HUNK: variants seen among roughly 807,000 people sequenced by gnomAD.
The protein encoded by HUNK is hormonally up-regulated Neu-associated kinase.
HUNK carries 21 observed loss-of-function variants against 61.0 expected under a neutral mutation model. That is an observed-to-expected ratio of 0.34 (90% CI 0.24 to 0.50). HUNK has a LOEUF of 0.50. Among genes scored for constraint, HUNK ranks in the 20% least tolerant of loss-of-function variants. The probability of loss-of-function intolerance (pLI) is 0.98; values close to 1 mark genes in which losing one functional copy is unlikely to be tolerated. For missense variants in HUNK, 772 were observed against 945.7 expected (o/e 0.82, Z 2.41); for synonymous variants, 371 against 386.1 (o/e 0.96, Z 0.46).
At chr21:31,904,722 C>T (rs964612997) in intron 1 of HUNK, among the ~76,000 whole-genome samples, 1 of 152,106 alleles carries the variant, frequency 6.6e-6, no homozygotes, top group Non-Finnish European at 1.5e-5. Flanking sequence ...TGAATTGTGT[C>T]CCACCCCCAA....
chr21:31,999,069 A>C lies in HUNK; in HGVS notation c.2030A>C (p.Gln677Pro), dbSNP rs536402835. ...GIGQMLRKRH[Q>P]SLQPSADRPL... ...GGACAGATGTTAAGGAAGCGCCATC[A>C]GAGTCTGCAGCCATCTGCAGATAGG... The change falls in exon 11 of 11, where the codon CAG becomes CCG. Residue 677 changes from glutamine to proline, a missense_variant. Gln to Pro is a moderately conservative substitution (Grantham distance 76). Transcript: ENST00000270112. 1 of 1,614,218 alleles carries C rather than the reference A, an allele frequency of 6.2e-7. No individual in the cohort carries two copies. The highest frequency in any genetic ancestry group is 1.3e-5 in the African/African-American group (1 of 75,062).
intron 6 of HUNK, among the ~76,000 whole-genome samples, chr21:31,972,703 C>T (rs2053020217): frequency 6.6e-6 from 1 of 152,146 alleles, no homozygotes; most frequent in South Asian, 2.1e-4. Context: ...CTTTTTAAGC[C>T]AGTAATCGTG....
chr21:31,892,884 C>A (rs1707316703), intron 1 of HUNK, among the ~76,000 whole-genome samples: 2 of 152,262 alleles, frequency 1.3e-5, no homozygotes, highest in South Asian at 4.1e-4. Flanking sequence ...GCAGACCTCC[C>A]TTTCTTGGCA....
At chr21:31,944,479 GA>G (rs2052789018) in intron 3 of HUNK, among the ~76,000 whole-genome samples, 1 of 152,120 alleles carries the variant, frequency 6.6e-6, no homozygotes, top group Non-Finnish European at 1.5e-5. Context: ...CTTTTTAACT[GA>G]TATCTCCTCC....
At chr21:31,979,656 C>T (rs1158238711) in intron 7 of HUNK, among the ~76,000 whole-genome samples, 1 of 150,496 alleles carries the variant, frequency 6.6e-6, no homozygotes, top group Admixed American at 6.7e-5. Context: ...GCTGGGACTA[C>T]AGGCACCTGC....
chr21:31,883,454 A>G (rs1200423900), intron 1 of HUNK, among the ~76,000 whole-genome samples: 1 of 151,794 alleles, frequency 6.6e-6, no homozygotes, highest in Non-Finnish European at 1.5e-5. Context: ...CCATTCGCCA[A>G]TTTTCTTTTG....
intron 10 of HUNK, among the ~76,000 whole-genome samples, 169 bp downstream of exon 10, chr21:31,996,117 G>A (rs535722479): frequency 1.1e-4 from 17 of 152,374 alleles, no homozygotes; most frequent in African/African-American, 4.1e-4. Flanking sequence ...CCAGGACCAA[G>A]CTGTGTGGCA....
At chr21:31,886,885 C>T (rs1430889539) in intron 1 of HUNK, among the ~76,000 whole-genome samples, 1 of 152,180 alleles carries the variant, frequency 6.6e-6, no homozygotes, top group African/African-American at 2.4e-5. Flanking sequence ...AGGTGATCCA[C>T]CTGCCTTGGC....
chr21:31,930,200 G>A (rs1340567619), intron 2 of HUNK, among the ~76,000 whole-genome samples: 2 of 152,182 alleles, frequency 1.3e-5, no homozygotes, highest in South Asian at 2.1e-4. Context: ...TGGGCAAATC[G>A]CTCAGGCTTT....
At chr21:31,955,792 GAGTT>G (rs2052885644) in intron 4 of HUNK, among the ~76,000 whole-genome samples, 1 of 152,248 alleles carries the variant, frequency 6.6e-6, no homozygotes, top group South Asian at 2.1e-4. Context: ...AACACTGAAT[GAGTT>G]AGGCATTATG....
intron 1 of HUNK, among the ~76,000 whole-genome samples, chr21:31,884,136 G>T: frequency 6.6e-6 from 1 of 152,134 alleles, no homozygotes; most frequent in Non-Finnish European, 1.5e-5. Context: ...TGGTTGCTAT[G>T]ATCAGAATGT....
chr21:31,918,589 C>T lies in HUNK; in HGVS notation c.262-5879C>T, dbSNP rs116555097. On this transcript the variant is annotated intron_variant, in intron 1 of 10. Transcript: ENST00000270112. ...CTAAGGGGAGACTTGGACTTTGCTT[C>T]TTCTCCCAGCCCCTGGTGGCTGCCA... 2.3e-3 allele frequency among the ~76,000 whole-genome samples: 353 copies of T among 152,334 alleles called. 1 individual carries two copies. The highest frequency in any genetic ancestry group is 7.9e-3 in the African/African-American group (329 of 41,586).
chr21:31,946,049 C>T lies in HUNK; in HGVS notation c.624C>T (p.Ser208=). The part of the protein sequence containing the change: ...NNIKLIDFGL[S]NCAGILGYSD... ...CTCTCTTTGCAGACTTTGGTTTGAG[C>T]AACTGCGCAGGGATCCTGGGTTACT... Residue 208 remains serine, a synonymous_variant, in exon 4 of 11, where the codon AGC becomes AGT. Transcript: ENST00000270112. 2 of 1,595,344 alleles carry T rather than the reference C, an allele frequency of 1.3e-6. No homozygotes were observed. The highest frequency in any genetic ancestry group is 1.7e-6 in the Non-Finnish European group (2 of 1,165,660).
intron 1 of HUNK, among the ~76,000 whole-genome samples, chr21:31,884,731 G>A (rs963116464): frequency 2.0e-4 from 30 of 152,114 alleles, no homozygotes; most frequent in African/African-American, 7.2e-4. Context: ...GGTGTGTTAG[G>A]CTTAGACTTC....
In HUNK at chr21:31,994,838, A is replaced by G. The variant is rs540674037; in HGVS notation, c.1306-930A>G. Among the ~76,000 whole-genome samples, 24 of 152,398 alleles carry G rather than the reference A, an allele frequency of 1.6e-4. No homozygotes were observed. In the South Asian group the frequency reaches 5.0e-3, roughly 32 times the overall value. On this transcript the variant is annotated intron_variant, in intron 9 of 10. Coordinates refer to ENST00000270112, the MANE Select transcript of HUNK (RefSeq NM_014586.2). ...ATCAGATGGATTATATTCTAGTACA[A>G]CGAAGGCAAGATTTAAACCAAAAGA... is the stretch of plus-strand genomic sequence containing the variant.
chr21:31,958,947 C>A lies in HUNK; in HGVS notation c.851C>A (p.Pro284His). ...AAGATGGTAGACAAAGAAATGAACC[C>A]CCTCCCCACTCAGCTCTCCACAGGT... is the stretch of plus-strand genomic sequence containing the variant. Reference protein sequence around the residue: ...YQKMVDKEMNPLPTQLSTGAI... With the variant: ...YQKMVDKEMNHLPTQLSTGAI... Residue 284 changes from proline (P) to histidine (H), a missense_variant, in exon 5 of 11, where the codon CCC (proline) becomes CAC (histidine). Around this residue, in one of 2 missense-constraint regions of HUNK, gnomAD observed 359 missense variants for 501.3 expected, o/e 0.72. Transcript: ENST00000270112. 1 of 1,608,664 alleles carries A rather than the reference C, an allele frequency of 6.2e-7. No individual in the cohort carries two copies. Among genetic ancestry groups the A allele is most frequent in the Non-Finnish European group, 8.5e-7 (1 of 1,178,096 alleles).
intron 2 of HUNK, among the ~76,000 whole-genome samples, chr21:31,927,128 C>T (rs1035393950): frequency 1.6e-4 from 24 of 151,978 alleles, no homozygotes; most frequent in African/African-American, 5.1e-4. Flanking sequence ...GCAACTTCCG[C>T]CTTCCGGGTT....
chr21:31,892,162 A>AAATATAT (rs1479271300), intron 1 of HUNK, among the ~76,000 whole-genome samples: 11 of 114,046 alleles, frequency 9.6e-5, no homozygotes, highest in African/African-American at 3.8e-4. Context: ...AAAAAAAAAA[A>AAATATAT]ATATATATAT....
chr21:31,919,969 G>T (rs2052612448), intron 1 of HUNK, among the ~76,000 whole-genome samples: 2 of 152,200 alleles, frequency 1.3e-5, no homozygotes, highest in South Asian at 4.1e-4. Flanking sequence ...CCACTCTGGT[G>T]GCTTAAAGTA....
Sources: gnomAD v4.1 joint callset for allele counts (sites outside exome capture counted in the v4.1 genomes callset) on GRCh38, gnomAD v4.1.1 for gene constraint, gnomAD v4.1.1 regional missense constraint, MANE v1.5 for transcripts, NCBI Gene and HGNC (gene_info 2026-07-23, HGNC 2026-07-21) for gene names.